The following SHISA9 variants were observed in gnomAD, a reference collection of about 807,000 sequenced individuals.
SHISA9 encodes the protein shisa family member 9.
SHISA9 carries 13 observed loss-of-function variants against 38.0 expected under a neutral mutation model. The observed-to-expected ratio is 0.34, with a 90% confidence interval of 0.22 to 0.54. The LOEUF is 0.54. SHISA9 is among the 20% of genes least tolerant of loss of function. The pLI, the probability that SHISA9 is intolerant of heterozygous loss-of-function variation, is 0.91. For missense variants in SHISA9, 538 were observed against 575.8 expected (o/e 0.93, Z 0.67); for synonymous variants, 275 against 242.0 (o/e 1.14, Z -1.27).
chr16:13,169,716 C>T (rs982859769), intron 2 of SHISA9, among the ~76,000 whole-genome samples: 14 of 152,136 alleles, frequency 9.2e-5, no homozygotes, highest in African/African-American at 3.4e-4. Flanking sequence ...GCAATGCCGT[C>T]TTTGTAGTAT....
At chr16:13,327,673 T>G in the SHISA9 span, among the ~76,000 whole-genome samples, 2 of 152,040 alleles carry the variant, frequency 1.3e-5, no homozygotes, top group South Asian at 4.1e-4. Flanking sequence ...CACTTTTTTT[T>G]TGAGACAGGG....
chr16:13,376,053 A>G, the SHISA9 span, among the ~76,000 whole-genome samples: 121 of 152,342 alleles, frequency 7.9e-4, 2 homozygotes, highest in Admixed American at 1.4e-3. Context: ...TACCCAGGTG[A>G]TGGAAGAAGT....
chr16:13,032,108 C>T (rs1000170691), intron 2 of SHISA9, among the ~76,000 whole-genome samples: 2 of 151,844 alleles, frequency 1.3e-5, no homozygotes, highest in African/African-American at 2.4e-5. Context: ...CTGTACCTAT[C>T]AACCTGTCAT....
At chr16:12,981,720 C>G (rs1253562717) in intron 2 of SHISA9, among the ~76,000 whole-genome samples, 2 of 152,108 alleles carry the variant, frequency 1.3e-5, no homozygotes, top group East Asian at 3.9e-4. Context: ...CACAATGTGA[C>G]TATATTCGGA....
the SHISA9 span, among the ~76,000 whole-genome samples, chr16:13,423,487 A>G: frequency 6.6e-6 from 1 of 152,206 alleles, no homozygotes; most frequent in African/African-American, 2.4e-5. Flanking sequence ...AGAGAGATCC[A>G]TCGTTTATCC....
intron 2 of SHISA9, among the ~76,000 whole-genome samples, chr16:13,095,515 G>T (rs1222493646): frequency 5.9e-5 from 9 of 152,356 alleles, no homozygotes; most frequent in Non-Finnish European, 1.2e-4. Context: ...GTGGCTTCCA[G>T]TATCCTCCTC....
At chr16:13,320,602 T>C in the SHISA9 span, among the ~76,000 whole-genome samples, 4 of 152,234 alleles carry the variant, frequency 2.6e-5, no homozygotes, top group African/African-American at 4.8e-5. Flanking sequence ...CCTGTAGAGA[T>C]AGTAGGGTCT....
At chr16:12,909,717 C>A in intron 1 of SHISA9, 1 of 371,990 alleles carries the variant, frequency 2.7e-6, no homozygotes, top group Non-Finnish European at 3.7e-6. Context: ...CACACTCCAG[C>A]CCATCACCCA....
the SHISA9 span, among the ~76,000 whole-genome samples, chr16:13,286,493 G>A: frequency 6.6e-6 from 1 of 152,062 alleles, no homozygotes; most frequent in Non-Finnish European, 1.5e-5. Flanking sequence ...GCATAAAACA[G>A]GCATACAGCT....
intron 4 of SHISA9, among the ~76,000 whole-genome samples, chr16:13,222,886 C>G (rs1269981885): frequency 6.6e-6 from 1 of 151,864 alleles, no homozygotes; most frequent in Non-Finnish European, 1.5e-5. Flanking sequence ...TTTATATTTT[C>G]TGATGACGAC....
intron 2 of SHISA9, among the ~76,000 whole-genome samples, chr16:13,053,226 G>C (rs182121224): frequency 6.6e-6 from 1 of 151,664 alleles, no homozygotes; most frequent in African/African-American, 2.4e-5. Context: ...GCCTCCCAAA[G>C]TGCTGGGATT....
intron 4 of SHISA9, among the ~76,000 whole-genome samples, chr16:13,227,248 G>A (rs532506709): frequency 4.6e-5 from 7 of 152,218 alleles, no homozygotes; most frequent in Non-Finnish European, 7.3e-5. Flanking sequence ...GAAGACTGCA[G>A]CATGGAGAAT....
chr16:13,410,601 C>G, the SHISA9 span, among the ~76,000 whole-genome samples: 1 of 151,050 alleles, frequency 6.6e-6, no homozygotes, highest in Non-Finnish European at 1.5e-5. Context: ...GAAAATATGC[C>G]AAAAACAAAA....
At chr16:13,463,079 C>T in the SHISA9 span, among the ~76,000 whole-genome samples, 1 of 152,180 alleles carries the variant, frequency 6.6e-6, no homozygotes, top group South Asian at 2.1e-4. Context: ...TCACTTGAGC[C>T]TGGGGGGGGA....
At chr16:13,368,013 G>C in the SHISA9 span, among the ~76,000 whole-genome samples, 1 of 151,850 alleles carries the variant, frequency 6.6e-6, no homozygotes, top group Non-Finnish European at 1.5e-5. Context: ...CCACTAACTC[G>C]TCATCTAGCA....
At chr16:13,352,550 T>C in the SHISA9 span, among the ~76,000 whole-genome samples, 542 of 152,208 alleles carry the variant, frequency 3.6e-3, 2 homozygotes, top group African/African-American at 0.013. Context: ...TCCTGTGTTG[T>C]CCTTAAGATT....
At chr16:13,083,629 G>A (rs2073678474) in intron 2 of SHISA9, among the ~76,000 whole-genome samples, 2 of 152,166 alleles carry the variant, frequency 1.3e-5, no homozygotes, top group African/African-American at 4.8e-5. Flanking sequence ...GTTCCACTTT[G>A]AGGCGAGGGT....
At chr16:13,443,968 C>T in the SHISA9 span, among the ~76,000 whole-genome samples, 1 of 152,172 alleles carries the variant, frequency 6.6e-6, no homozygotes, top group South Asian at 2.1e-4. Context: ...CCTGGCAAGG[C>T]AATAATTGTC....
chr16:13,419,682 C>A, the SHISA9 span, among the ~76,000 whole-genome samples: 1 of 152,168 alleles, frequency 6.6e-6, no homozygotes, highest in Non-Finnish European at 1.5e-5. Flanking sequence ...ATAGTAAGTA[C>A]TTTTTGACAT....
Sources: gnomAD v4.1 joint callset for allele counts (sites outside exome capture counted in the v4.1 genomes callset) on GRCh38, gnomAD v4.1.1 for gene constraint, MANE v1.5 for transcripts, NCBI Gene and HGNC (gene_info 2026-07-23, HGNC 2026-07-21) for gene names.